BBS9: variants seen among roughly 807,000 people sequenced by gnomAD.
BBS9 encodes protein PTHB1.
Under a neutral mutation model 117.7 loss-of-function variants are expected in BBS9, and 89 were observed. That is an observed-to-expected ratio of 0.76 (90% CI 0.64 to 0.90). The LOEUF (loss-of-function observed/expected upper bound fraction) is 0.90, where lower values mean the gene tolerates loss of function less well. Ranked by LOEUF, BBS9 falls within the 40% of genes least tolerant of loss-of-function variation. The probability of loss-of-function intolerance (pLI) is 0.00; values close to 1 mark genes in which losing one functional copy is unlikely to be tolerated. For synonymous variants in BBS9, 379 were observed against 370.9 expected (o/e 1.02, Z -0.25); for missense variants, 982 against 1,042.2 (o/e 0.94, Z 0.80).
intron 17 of BBS9, chr7:33,380,815 A>G (rs1330791000): frequency 6.5e-6 from 1 of 152,730 alleles, no homozygotes; most frequent in African/African-American, 2.4e-5. Context: ...ATTTGAAGCC[A>G]GTGTTCTGGG....
chr7:33,575,999 A>G (rs1858786975), intron 21 of BBS9, among the ~76,000 whole-genome samples: 1 of 152,214 alleles, frequency 6.6e-6, no homozygotes, highest in Non-Finnish European at 1.5e-5. Context: ...CACGCACAAG[A>G]CAAGGATATC....
In BBS9 at chr7:33,296,143, A is replaced by G. The variant is rs115519818; in HGVS notation, c.1016+22187A>G. The stretch of plus-strand genomic sequence containing the variant: ...TTTAAAATGGGTAGAAAAAGATTTT[A>G]ACTAGCTTAAAAAACCCAAAATAGA... On this transcript the variant is annotated intron_variant, in intron 9 of 22. Transcript: ENST00000242067. Among the ~76,000 whole-genome samples, 1,234 of 152,270 alleles carry G rather than the reference A, an allele frequency of 8.1e-3. 20 individuals are homozygous for G. Among genetic ancestry groups the G allele is most frequent in the African/African-American group, 0.028 (1,180 of 41,574 alleles).
At chr7:33,507,611 A>G (rs1180398916) in intron 20 of BBS9, among the ~76,000 whole-genome samples, 1 of 152,184 alleles carries the variant, frequency 6.6e-6, no homozygotes, top group South Asian at 2.1e-4. Context: ...ATAATATCTT[A>G]TTCCTTTTTA....
intron 1 of BBS9, among the ~76,000 whole-genome samples, chr7:33,139,522 A>G (rs980954642): frequency 1.3e-5 from 2 of 151,082 alleles, no homozygotes; most frequent in Non-Finnish European, 2.9e-5. Context: ...GACTTGATGC[A>G]GTATTTATAT....
intron 5 of BBS9, among the ~76,000 whole-genome samples, chr7:33,198,904 A>G (rs1342700455): frequency 6.6e-6 from 1 of 151,992 alleles, no homozygotes; most frequent in Non-Finnish European, 1.5e-5. Flanking sequence ...GGGTCCTGAT[A>G]TATTAGGAAC....
chr7:33,326,030 T>C (rs1374306452), intron 9 of BBS9, among the ~76,000 whole-genome samples: 1 of 152,048 alleles, frequency 6.6e-6, no homozygotes, highest in Non-Finnish European at 1.5e-5. Flanking sequence ...GGCTCTACAA[T>C]CATCAAGTGG....
intron 18 of BBS9, 103 bp from the exon 19 acceptor site, chr7:33,387,889 T>G: frequency 3.0e-6 from 4 of 1,344,488 alleles, no homozygotes; most frequent in Non-Finnish European, 4.2e-6. Context: ...TGCATTTAAA[T>G]TTCTTCATTA....
chr7:33,201,900 C>G (rs561199168), intron 5 of BBS9, among the ~76,000 whole-genome samples: 1 of 152,204 alleles, frequency 6.6e-6, no homozygotes, highest in South Asian at 2.1e-4. Flanking sequence ...ATTTTCTGTC[C>G]TGTGTGAAAA....
At chr7:33,510,318 G>A (rs1283509561) in intron 20 of BBS9, among the ~76,000 whole-genome samples, 1 of 151,920 alleles carries the variant, frequency 6.6e-6, no homozygotes, top group East Asian at 1.9e-4. Context: ...CTGTCTGCTT[G>A]AAGTTCTATG....
At chr7:33,397,418 C>T (rs1828167959) in intron 19 of BBS9, among the ~76,000 whole-genome samples, 1 of 152,136 alleles carries the variant, frequency 6.6e-6, no homozygotes, top group Non-Finnish European at 1.5e-5. Context: ...GGTGATTTCT[C>T]AAAGACCTAG....
intron 7 of BBS9, among the ~76,000 whole-genome samples, chr7:33,271,593 A>C (rs1799807763): frequency 6.6e-6 from 1 of 152,240 alleles, no homozygotes; most frequent in Non-Finnish European, 1.5e-5. Flanking sequence ...AAACCAACAA[A>C]GACTAAAAAA....
At chr7:33,518,526 G>A (rs536297888) in intron 20 of BBS9, among the ~76,000 whole-genome samples, 3 of 152,154 alleles carry the variant, frequency 2.0e-5, no homozygotes, top group African/African-American at 7.2e-5. Context: ...TGGGATTACA[G>A]GCGTGAGCCA....
At chr7:33,507,525 G>A (rs1238838981) in intron 20 of BBS9, among the ~76,000 whole-genome samples, 1 of 152,084 alleles carries the variant, frequency 6.6e-6, no homozygotes, top group South Asian at 2.1e-4. Context: ...ATTACAAGGC[G>A]TGAACTATCA....
chr7:33,440,250 C>T (rs887038759), intron 19 of BBS9, among the ~76,000 whole-genome samples: 1 of 152,134 alleles, frequency 6.6e-6, no homozygotes, highest in South Asian at 2.1e-4. Flanking sequence ...TAAGTTATAA[C>T]GTACCATACA....
intron 9 of BBS9, among the ~76,000 whole-genome samples, chr7:33,329,783 T>G (rs1298528150): frequency 1.3e-5 from 2 of 152,236 alleles, no homozygotes; most frequent in Non-Finnish European, 2.9e-5. Context: ...GCTGGACACA[T>G]TATTAAATAC....
At chr7:33,313,592 G>T (rs369096552) in intron 9 of BBS9, among the ~76,000 whole-genome samples, 1 of 152,142 alleles carries the variant, frequency 6.6e-6, no homozygotes, top group Admixed American at 6.5e-5. Flanking sequence ...ACTACAAAAG[G>T]TATTTTGTTC....
chr7:33,291,824 A>C (rs1804103150), intron 9 of BBS9, among the ~76,000 whole-genome samples: 1 of 152,178 alleles, frequency 6.6e-6, no homozygotes, highest in South Asian at 2.1e-4. Context: ...TTTGTCTTGC[A>C]ATATGAATTT....
At chr7:33,152,433 C>G (rs1481183239) in intron 2 of BBS9, among the ~76,000 whole-genome samples, 2 of 152,036 alleles carry the variant, frequency 1.3e-5, no homozygotes, top group African/African-American at 2.4e-5. Context: ...TAAATTATGA[C>G]TTTGATACCA....
intron 21 of BBS9, among the ~76,000 whole-genome samples, chr7:33,534,621 A>T (rs1054342797): frequency 6.6e-6 from 1 of 152,164 alleles, no homozygotes; most frequent in African/African-American, 2.4e-5. Context: ...GGGGGAAGAG[A>T]CAAAGTGAAA....
Sources: gnomAD v4.1 joint callset for allele counts (sites outside exome capture counted in the v4.1 genomes callset) on GRCh38, gnomAD v4.1.1 for gene constraint, MANE v1.5 for transcripts, NCBI Gene and HGNC (gene_info 2026-07-23, HGNC 2026-07-21) for gene names.